Variants in MYH11 observed in about 807,000 individuals in gnomAD.
MYH11 encodes the protein myosin-11.
A neutral mutation model predicts 246.6 loss-of-function variants in MYH11; 80 were observed. The observed-to-expected ratio is 0.32, with a 90% confidence interval of 0.27 to 0.39. The LOEUF is 0.39. Among genes scored for constraint, MYH11 ranks in the 10% least tolerant of loss-of-function variants. The pLI is 1.00. For missense variants in MYH11, 2,158 were observed against 2,546.8 expected (o/e 0.85, Z 3.29); for synonymous variants, 1,071 against 1,015.5 (o/e 1.05, Z -1.04).
rs1306203182 is a variant in MYH11, at chr16:15,849,812, AAGTAACG to A, written c.-18+7122_-18+7128del. On this transcript the variant is annotated intron_variant, in intron 1 of 40. Transcript: ENST00000300036. The stretch of plus-strand genomic sequence containing the variant: ...AGCCTCTGGAAGACCTTAGGATGTC[AAGTAACG>A]AGTCTCAGCTTTGCCCCAAACCTGC... Among the ~76,000 whole-genome samples, 24 of 152,288 alleles carry A rather than the reference AAGTAACG, an allele frequency of 1.6e-4. No individual in the cohort carries two copies. The South Asian group carries it at 5.0e-3, about 32-fold the overall frequency.
intron 3 of MYH11, among the ~76,000 whole-genome samples, chr16:15,799,963 G>A (rs979821091): frequency 2.0e-5 from 3 of 151,498 alleles, no homozygotes; most frequent in African/African-American, 4.9e-5. Flanking sequence ...CGGAAGGAAG[G>A]AAGAAAGGAA....
At position 15,760,603 on chromosome 16, in the gene MYH11, G is replaced by A; in HGVS notation, c.1185C>T (p.Ser395=). The change falls in exon 11 of 41, where the codon TCC becomes TCT. Residue 395 remains serine, a synonymous_variant. Transcript: ENST00000300036. ...CAACCTTGATACGAGGAGTGAGGAT[G>A]GATCTGGTGAAATCTGTCACATTAA... ...MGINVTDFTR[S]ILTPRIKVGR... is the part of the protein sequence containing the mutation. The A allele has an allele frequency of 6.2e-7, 1 of 1,614,174 alleles. No individual in the cohort carries two copies. The highest frequency in any genetic ancestry group is 8.5e-7 in the Non-Finnish European group (1 of 1,180,022).
chr16:15,801,847 C>T (rs1405632340), intron 3 of MYH11, among the ~76,000 whole-genome samples: 3 of 152,036 alleles, frequency 2.0e-5, no homozygotes, highest in African/African-American at 7.2e-5. Context: ...ATCCAAGGTA[C>T]TCCGGAGGCT....
intron 27 of MYH11, among the ~76,000 whole-genome samples, chr16:15,731,492 T>A (rs948739619): frequency 2.0e-5 from 3 of 151,940 alleles, no homozygotes; most frequent in African/African-American, 7.3e-5. Flanking sequence ...ATTCATTCTT[T>A]TTTTTTTTTC....
intron 36 of MYH11, 106 bp downstream of exon 36, chr16:15,719,114 T>G: frequency 8.8e-7 from 1 of 1,138,664 alleles, no homozygotes; most frequent in Non-Finnish European, 1.3e-6. Context: ...GGTGACAGAA[T>G]GAAACTCTGT....
rs145505544 is a variant in MYH11 at position 15,704,102 on chromosome 16, G to A, written c.5808C>T (p.Phe1936=). The change falls in exon 41 of 41, where the codon TTC becomes TTT. Residue 1936 remains phenylalanine (F), a synonymous_variant. Coordinates refer to ENST00000300036, the MANE Select transcript of MYH11 (RefSeq NM_002474.3). ...GTCCTCCAGACCTTCTAGAAGGAAC[G>A]AAAGAGGTCTCGTTTCCTCGCCTGT... The part of the protein sequence containing the change: ...SKLRRGNETS[F]VPSRRSGGRR... 16 of 1,614,080 alleles carry A rather than the reference G, an allele frequency of 9.9e-6. No individual in the cohort carries two copies. Among genetic ancestry groups the A allele is most frequent in the African/African-American group, 9.3e-5 (7 of 75,020 alleles).
Position 15,719,211 on chromosome 16 carries a change from G to C in MYH11, c.5171+9C>G, listed in dbSNP as rs780145425. 1.2e-6 allele frequency: 2 copies of C among 1,613,256 alleles called. No individual in the cohort carries two copies. The highest frequency in any genetic ancestry group is 3.3e-4 in the Middle Eastern group (2 of 6,062). On this transcript the variant is annotated intron_variant, in intron 36 of 40. Transcript: ENST00000300036. The stretch of plus-strand genomic sequence containing the variant: ...CTTCAGAGCCCTCTTCCTCCATTCA[G>C]TTTCCTACCTTCCCGACAGGCTACT...
At chr16:15,756,999 C>G (rs966233157) in intron 13 of MYH11, among the ~76,000 whole-genome samples, 5 of 150,848 alleles carry the variant, frequency 3.3e-5, no homozygotes, top group East Asian at 4.1e-4. Flanking sequence ...GGGGTTTCAC[C>G]GTGTTAGCCA....
At chr16:15,801,251 G>A in intron 3 of MYH11, among the ~76,000 whole-genome samples, 1 of 152,148 alleles carries the variant, frequency 6.6e-6, no homozygotes. Context: ...GGCAGCCATT[G>A]AAAAGAACCA....
chr16:15,709,593 G>A (rs1279353430), intron 40 of MYH11, among the ~76,000 whole-genome samples: 1 of 152,198 alleles, frequency 6.6e-6, no homozygotes, highest in Non-Finnish European at 1.5e-5. Flanking sequence ...GGGATTACAG[G>A]TGTGAGCCAC....
intron 23 of MYH11, among the ~76,000 whole-genome samples, chr16:15,739,225 G>C (rs917083490): frequency 6.6e-6 from 1 of 151,016 alleles, no homozygotes; most frequent in African/African-American, 2.4e-5. Context: ...TCAGCCTCCC[G>C]AGTAGCTGGG....
At chr16:15,714,846 C>T (rs561130511) in intron 40 of MYH11, 63 bp downstream of exon 40, 30 of 1,599,644 alleles carry the variant, frequency 1.9e-5, no homozygotes, top group South Asian at 1.3e-4. Flanking sequence ...GAAAGGAGCC[C>T]GAGCCCCCAG....
intron 9 of MYH11, among the ~76,000 whole-genome samples, chr16:15,771,293 C>A (rs886324075): frequency 1.3e-5 from 2 of 152,096 alleles, no homozygotes; most frequent in African/African-American, 4.8e-5. Context: ...AACCACTGTG[C>A]CTAACCTCCC....
At chr16:15,807,420 GT>G (rs1215000002) in intron 3 of MYH11, among the ~76,000 whole-genome samples, 1 of 152,150 alleles carries the variant, frequency 6.6e-6, no homozygotes, top group African/African-American at 2.4e-5. Context: ...TAGACGTCAG[GT>G]TTTTTGTTTG....
intron 26 of MYH11, 145 bp from the exon 27 acceptor site, chr16:15,732,853 C>T (rs2041008403): frequency 1.0e-6 from 1 of 995,682 alleles, no homozygotes; most frequent in Admixed American, 2.1e-5. Context: ...TTGGGTCATT[C>T]ACCTAACATC....
chr16:15,749,757 T>G, intron 16 of MYH11: 2 of 337,996 alleles, frequency 5.9e-6, no homozygotes, highest in Non-Finnish European at 5.5e-6. Context: ...AGCATGTCCA[T>G]ATAGAGGACA....
intron 14 of MYH11, among the ~76,000 whole-genome samples, chr16:15,754,836 AT>A (rs1362789383): frequency 6.6e-6 from 1 of 152,122 alleles, no homozygotes; most frequent in Non-Finnish European, 1.5e-5. Flanking sequence ...CAGCTGGCTA[AT>A]TTTTAAATTT....
At chr16:15,763,741 T>TGGGGCCCCCCCCCCCCCCCC in intron 10 of MYH11, 55 bp downstream of exon 10, 3 of 646,848 alleles carry the variant, frequency 4.6e-6, no homozygotes, top group Non-Finnish European at 5.8e-6. Flanking sequence ...AAATGTCACC[T>TGGGGCCCCCCCCCCCCCCCC]CCCCCACCCC....
At chr16:15,851,482 T>C (rs766704800) in intron 1 of MYH11, among the ~76,000 whole-genome samples, 3 of 152,106 alleles carry the variant, frequency 2.0e-5, no homozygotes, top group Non-Finnish European at 2.9e-5. Context: ...CTTGTAAAAT[T>C]TGGAGTCAGG....
Sources: gnomAD v4.1 joint callset for allele counts (sites outside exome capture counted in the v4.1 genomes callset) on GRCh38, gnomAD v4.1.1 for gene constraint, MANE v1.5 for transcripts, NCBI Gene and HGNC (gene_info 2026-07-23, HGNC 2026-07-21) for gene names.